Variants in HMCN1 observed in about 807,000 individuals in gnomAD.
HMCN1 encodes the protein hemicentin 1.
HMCN1 carries 321 observed loss-of-function variants against 625.9 expected under a neutral mutation model. The ratio of observed to expected loss-of-function variants is 0.51; its 90% confidence interval spans 0.47 to 0.56. The LOEUF (loss-of-function observed/expected upper bound fraction) is 0.56, where lower values mean the gene tolerates loss of function less well. HMCN1 is among the 20% of genes least tolerant of loss of function. HMCN1 has a pLI of 0.00. For synonymous variants in HMCN1, 2,425 were observed against 2,417.6 expected, an observed-to-expected ratio of 1.00 and a Z score of -0.09; for missense variants, 6,588 against 6,887.3, an observed-to-expected ratio of 0.96 and a Z score of 1.54.
At chr1:185,839,143 A>T (rs1170488403) in intron 1 of HMCN1, among the ~76,000 whole-genome samples, 1 of 152,200 alleles carries the variant, frequency 6.6e-6, no homozygotes, top group Non-Finnish European at 1.5e-5. Context: ...AAGGACTTGC[A>T]AGCAGACTTT....
Position 186,053,904 on chromosome 1 carries a change from A to C in HMCN1, c.6780A>C (p.Glu2260Asp). Residue 2260 changes from glutamate (E) to aspartate (D), a missense_variant, in exon 44 of 107, where the codon GAA (glutamate) becomes GAC (aspartate). Around this residue, in one of 3 missense-constraint regions of HMCN1, gnomAD observed 4,628 missense variants for 4,853.1 expected, o/e 0.95. Transcript: ENST00000271588. ...GGRQLQISIA[E>D]KSDAALYSCV... is the part of the protein sequence containing the mutation. ...GGCAATTACAAATTTCAATTGCTGAAAAGTCTGATGCAGCACTCTATTCAT... is the reference window on the plus strand; with the variant it reads ...GGCAATTACAAATTTCAATTGCTGACAAGTCTGATGCAGCACTCTATTCAT... The C allele has an allele frequency of 6.2e-7, 1 of 1,612,824 alleles. No homozygotes were observed. The highest frequency in any genetic ancestry group is 2.2e-5 in the East Asian group (1 of 44,752).
intron 1 of HMCN1, among the ~76,000 whole-genome samples, chr1:185,828,659 G>A (rs1403041748): frequency 1.3e-5 from 2 of 151,940 alleles, no homozygotes; most frequent in Admixed American, 1.3e-4. Flanking sequence ...ATCCTATACA[G>A]CACCACAAGG....
At chr1:186,113,847 T>C (rs1558233259) in intron 72 of HMCN1, 132 bp from the exon 73 acceptor site, 2 of 1,012,480 alleles carry the variant, frequency 2.0e-6, no homozygotes, top group Non-Finnish European at 1.6e-6. Flanking sequence ...ATTCTACTTA[T>C]ACTAACCTAG....
Position 186,055,607 on chromosome 1 carries a change from C to T in HMCN1, c.7077C>T (p.Gly2359=). 3 of 1,612,580 alleles carry T rather than the reference C, an allele frequency of 1.9e-6. No individual in the cohort carries two copies. The highest frequency in any genetic ancestry group is 2.5e-6 in the Non-Finnish European group (3 of 1,179,086). Reference sequence around the variant, plus strand: ...AGAACATTCATGTATCTGACACAGGCCGTTATGTGTGTGTTGCTGTGAATG... The same window carrying T: ...AGAACATTCATGTATCTGACACAGGTCGTTATGTGTGTGTTGCTGTGAATG... ...QLKNIHVSDT[G]RYVCVAVNVA... The change falls in exon 45 of 107, where the codon GGC becomes GGT. Residue 2359 remains glycine, a synonymous_variant. Transcript: ENST00000271588.
At chr1:186,148,546 T>G (rs1650472869) in intron 93 of HMCN1, among the ~76,000 whole-genome samples, 1 of 152,152 alleles carries the variant, frequency 6.6e-6, no homozygotes, top group African/African-American at 2.4e-5. Context: ...TCTCATTCTG[T>G]CACCCAGGCT....
At chr1:186,149,098 T>G (rs1238857302) in intron 93 of HMCN1, among the ~76,000 whole-genome samples, 3 of 152,102 alleles carry the variant, frequency 2.0e-5, no homozygotes, top group Admixed American at 6.5e-5. Flanking sequence ...GGCCCTAGGA[T>G]TTTCACAATG....
At chr1:185,803,480 A>AT (rs1389272771) in intron 1 of HMCN1, among the ~76,000 whole-genome samples, 1 of 151,934 alleles carries the variant, frequency 6.6e-6, no homozygotes, top group Non-Finnish European at 1.5e-5. Context: ...CTTCAATAGC[A>AT]TTTTTTCTCC....
chr1:185,764,984 C>T (rs1571320036), intron 1 of HMCN1, among the ~76,000 whole-genome samples: 2 of 152,270 alleles, frequency 1.3e-5, no homozygotes, highest in Admixed American at 1.3e-4. Context: ...TTTCTTCTAA[C>T]TCACCCTCCT....
intron 1 of HMCN1, among the ~76,000 whole-genome samples, chr1:185,842,508 G>A: frequency 6.6e-6 from 1 of 151,472 alleles, no homozygotes; most frequent in Non-Finnish European, 1.5e-5. Flanking sequence ...AGGCCGCAGT[G>A]AGCTGTGATC....
In HMCN1 at chr1:186,190,363, A is replaced by G. The variant is rs942386711; in HGVS notation, c.*485A>G. 4 of 204,298 alleles carry G rather than the reference A, an allele frequency of 2.0e-5. No individual in the cohort carries two copies. The highest frequency in any genetic ancestry group is 4.0e-5 in the Non-Finnish European group (4 of 99,354). The allele number at this position is 204,298 out of a possible 1,614,324, so 12.7% of individuals were successfully genotyped here. A position where few individuals can be genotyped will look rare whatever the true frequency, so the allele number is the denominator to read the frequency against. ...TTTTTGTAAGTATTGATACATTATA[A>G]TAGGACTTGCCTATTTTCATTTTTA... On this transcript the variant is annotated 3_prime_UTR_variant, in exon 107 of 107. Coordinates refer to ENST00000271588, the MANE Select transcript of HMCN1 (RefSeq NM_031935.3).
At chr1:185,999,694 C>T (rs528341681) in intron 25 of HMCN1, among the ~76,000 whole-genome samples, 2 of 151,952 alleles carry the variant, frequency 1.3e-5, no homozygotes, top group East Asian at 3.9e-4. Context: ...TTTATTTCAC[C>T]CTAAAACTCT....
At chr1:185,735,374 A>T (rs1012573596) in intron 1 of HMCN1, among the ~76,000 whole-genome samples, 3 of 152,218 alleles carry the variant, frequency 2.0e-5, no homozygotes, top group Admixed American at 6.5e-5. Flanking sequence ...GAACTAAAGC[A>T]TGTTTAATTA....
chr1:185,777,231 C>T (rs1656676694), intron 1 of HMCN1, among the ~76,000 whole-genome samples: 1 of 152,078 alleles, frequency 6.6e-6, no homozygotes, highest in Non-Finnish European at 1.5e-5. Context: ...AAATTTCGTG[C>T]TGTCTCCTCT....
chr1:186,086,700 T>C (rs1458710492), intron 58 of HMCN1, among the ~76,000 whole-genome samples: 1 of 152,040 alleles, frequency 6.6e-6, no homozygotes, highest in Non-Finnish European at 1.5e-5. Flanking sequence ...AGTACTTTCA[T>C]TGGATACATC....
At chr1:185,835,960 A>T (rs1661139504) in intron 1 of HMCN1, among the ~76,000 whole-genome samples, 1 of 152,190 alleles carries the variant, frequency 6.6e-6, no homozygotes, top group African/African-American at 2.4e-5. Context: ...TAGGAAGATG[A>T]CATTGCTAAG....
intron 90 of HMCN1, 64 bp from the exon 91 acceptor site, chr1:186,144,469 C>T (rs1650158485): frequency 9.9e-6 from 16 of 1,610,460 alleles, no homozygotes; most frequent in Admixed American, 6.7e-5. Flanking sequence ...ACTAACAATG[C>T]CCAGAGTGTA....
At chr1:186,158,747 G>C (rs185044685) in intron 97 of HMCN1, among the ~76,000 whole-genome samples, 1 of 152,304 alleles carries the variant, frequency 6.6e-6, no homozygotes, top group African/African-American at 2.4e-5. Flanking sequence ...GATAGTTGTA[G>C]ATATGTGGCA....
intron 54 of HMCN1, among the ~76,000 whole-genome samples, chr1:186,077,273 T>A (rs1658880667): frequency 6.6e-6 from 1 of 152,156 alleles, no homozygotes; most frequent in African/African-American, 2.4e-5. Context: ...GGTAACTCTG[T>A]CTAATATGTG....
chr1:185,992,502 G>C (rs1406402455), intron 22 of HMCN1, among the ~76,000 whole-genome samples: 1 of 152,022 alleles, frequency 6.6e-6, no homozygotes, highest in Non-Finnish European at 1.5e-5. Flanking sequence ...ACATCACTTT[G>C]AATAGTCAAT....
Sources: gnomAD v4.1 joint callset for allele counts (sites outside exome capture counted in the v4.1 genomes callset) on GRCh38, gnomAD v4.1.1 for gene constraint, gnomAD v4.1.1 regional missense constraint, MANE v1.5 for transcripts, NCBI Gene and HGNC (gene_info 2026-07-23, HGNC 2026-07-21) for gene names.